Variants in PARN observed in about 807,000 individuals in gnomAD.
The protein encoded by PARN is poly(A)-specific ribonuclease, also known as poly(A)-specific ribonuclease PARN.
A neutral mutation model predicts 102.8 loss-of-function variants in PARN; 71 were observed. The ratio of observed to expected loss-of-function variants is 0.69; its 90% CI spans 0.57 to 0.84. The LOEUF (loss-of-function observed/expected upper bound fraction) is 0.84. Ranked by LOEUF, PARN falls within the 40% of genes least tolerant of loss-of-function variation. The probability of loss-of-function intolerance (pLI) is 0.00; values close to 1 mark genes in which losing one functional copy is unlikely to be tolerated. For missense variants in PARN, 782 were observed against 760.9 expected (o/e 1.03, Z -0.33); for synonymous variants, 261 against 252.9 (o/e 1.03, Z -0.30).
intron 13 of PARN, among the ~76,000 whole-genome samples, chr16:14,592,472 C>T (rs1257558119): frequency 2.6e-5 from 4 of 152,144 alleles, no homozygotes; most frequent in African/African-American, 4.8e-5. Flanking sequence ...GGACAAGTAA[C>T]GTGAGGCCAC....
intron 22 of PARN, among the ~76,000 whole-genome samples, chr16:14,451,870 A>AAAAAAAAAAAAAAAAAAAAAC (rs1491283917): frequency 5.9e-5 from 1 of 16,954 alleles, no homozygotes; most frequent in African/African-American, 2.2e-4. Flanking sequence ...AAAAAAATAC[A>AAAAAAAAAAAAAAAAAAAAAC]AAAAAAAAAA....
intron 18 of PARN, among the ~76,000 whole-genome samples, chr16:14,575,184 C>A (rs987278154): frequency 1.3e-5 from 2 of 152,318 alleles, no homozygotes; most frequent in East Asian, 3.9e-4. Flanking sequence ...GGGTCAGAAC[C>A]CCCACACAGA....
chr16:14,587,420 A>G (rs1969927673), intron 13 of PARN, among the ~76,000 whole-genome samples: 2 of 152,140 alleles, frequency 1.3e-5, no homozygotes, highest in Admixed American at 1.3e-4. Context: ...ATAAGAAAAC[A>G]CTCTCCTCTA....
At chr16:14,587,378 T>C (rs1446301042) in intron 13 of PARN, among the ~76,000 whole-genome samples, 2 of 152,248 alleles carry the variant, frequency 1.3e-5, no homozygotes, top group Middle Eastern at 6.3e-3. Flanking sequence ...CAATGTCTTC[T>C]AAAAGGTCAT....
At position 14,575,455 on chromosome 16, in the gene PARN, G is replaced by C. The variant is rs547137011; in HGVS notation, c.1262+5419C>G. On this transcript the variant is annotated intron_variant, in intron 18 of 23. Transcript: ENST00000437198. ...CATGGAGTCAAAGGAGATCATTTTG[G>C]AGCTTTAAGATTTGACTGCCCTGCT... Among the ~76,000 whole-genome samples the C allele has an allele frequency of 1.1e-4, 16 of 152,302 alleles. No homozygotes were observed. The South Asian group carries it at 3.1e-3, about 30-fold the overall frequency.
At chr16:14,573,779 CTT>C (rs1267076923) in intron 18 of PARN, among the ~76,000 whole-genome samples, 5 of 152,308 alleles carry the variant, frequency 3.3e-5, no homozygotes, top group East Asian at 3.9e-4. Context: ...CACAAGCTCT[CTT>C]GTCTGCTGCC....
chr16:14,547,673 A>G (rs1481835378), intron 21 of PARN, among the ~76,000 whole-genome samples: 1 of 152,060 alleles, frequency 6.6e-6, no homozygotes, highest in African/African-American at 2.4e-5. Context: ...TCATGCCACC[A>G]CACTCCAGCT....
At chr16:14,487,433 C>G (rs1465002582) in intron 21 of PARN, among the ~76,000 whole-genome samples, 2 of 152,046 alleles carry the variant, frequency 1.3e-5, no homozygotes, top group Admixed American at 1.3e-4. Context: ...AAGAACTTTC[C>G]ACTACTGTCA....
chr16:14,549,869 T>C (rs1967185021), intron 21 of PARN, among the ~76,000 whole-genome samples: 1 of 152,218 alleles, frequency 6.6e-6, no homozygotes, highest in Non-Finnish European at 1.5e-5. Context: ...CAAGTAACTA[T>C]TATCTCCCTC....
intron 21 of PARN, among the ~76,000 whole-genome samples, chr16:14,511,912 T>TA (rs1396271902): frequency 2.0e-5 from 3 of 152,112 alleles, no homozygotes; most frequent in African/African-American, 7.2e-5. Flanking sequence ...CTGTGTTACC[T>TA]ACGCTGGTCT....
At chr16:14,561,136 G>C (rs1215237705) in intron 18 of PARN, among the ~76,000 whole-genome samples, 1 of 134,818 alleles carries the variant, frequency 7.4e-6, no homozygotes, top group South Asian at 2.3e-4. Context: ...CAGCCTAAGT[G>C]ATAAGAGCAA....
chr16:14,568,768 G>A (rs146067693), intron 18 of PARN, among the ~76,000 whole-genome samples: 4 of 151,930 alleles, frequency 2.6e-5, no homozygotes, highest in Non-Finnish European at 5.9e-5. Flanking sequence ...GGTGGCACGC[G>A]CCTGTAGTCC....
chr16:14,608,152 G>C (rs1596844187), intron 9 of PARN, 129 bp downstream of exon 9: 3 of 686,348 alleles, frequency 4.4e-6, no homozygotes, highest in Non-Finnish European at 7.6e-6. Context: ...AGAAAGTAGG[G>C]GGAACTTCAT....
At chr16:14,485,656 C>CTT (rs559156481) in intron 21 of PARN, among the ~76,000 whole-genome samples, 2 of 144,556 alleles carry the variant, frequency 1.4e-5, no homozygotes, top group Non-Finnish European at 1.5e-5. Flanking sequence ...TATTTCAATT[C>CTT]TTTTTTTTTT....
intron 18 of PARN, among the ~76,000 whole-genome samples, chr16:14,567,366 T>C (rs1257452766): frequency 6.6e-6 from 1 of 152,040 alleles, no homozygotes; most frequent in East Asian, 1.9e-4. Context: ...CCAGAAGAGG[T>C]TGAAAATGGA....
At chr16:14,629,859 G>A (rs1972927385) in intron 1 of PARN, among the ~76,000 whole-genome samples, 185 bp from the exon 2 acceptor site, 1 of 152,220 alleles carries the variant, frequency 6.6e-6, no homozygotes, top group African/African-American at 2.4e-5. Flanking sequence ...AAGCCCCGGG[G>A]GGTGCCCGGC....
chr16:14,451,886 A>AC (rs1961474465), intron 22 of PARN, among the ~76,000 whole-genome samples: 2 of 138,740 alleles, frequency 1.4e-5, no homozygotes, highest in East Asian at 2.9e-4. Flanking sequence ...AAAAAAAAAA[A>AC]AAAAAATACA....
intron 21 of PARN, among the ~76,000 whole-genome samples, chr16:14,518,587 C>T (rs1965579920): frequency 6.6e-6 from 1 of 151,770 alleles, no homozygotes; most frequent in Non-Finnish European, 1.5e-5. Context: ...TACAATTTAC[C>T]TAAGAAACAG....
chr16:14,451,866 A>T (rs1961464640), intron 22 of PARN, among the ~76,000 whole-genome samples: 1 of 61,360 alleles, frequency 1.6e-5, no homozygotes, highest in Non-Finnish European at 3.1e-5. Flanking sequence ...AAAAAAAAAA[A>T]TACAAAAAAA....
Sources: allele counts gnomAD v4.1 joint callset (sites outside exome capture counted in the v4.1 genomes callset), GRCh38; gene constraint gnomAD v4.1.1; transcripts MANE v1.5; gene names NCBI Gene and HGNC (gene_info 2026-07-23, HGNC 2026-07-21).